Variants in KCNJ6 observed in about 807,000 individuals in gnomAD.
The protein encoded by KCNJ6 is potassium inwardly rectifying channel subfamily J member 6.
Under a neutral mutation model 34.2 loss-of-function variants are expected in KCNJ6, and 9 were observed. That is an observed-to-expected ratio of 0.26 (90% CI 0.16 to 0.46). KCNJ6 has a LOEUF of 0.46. Among genes scored for constraint, KCNJ6 ranks in the 20% least tolerant of loss-of-function variants. KCNJ6 has a pLI of 1.00. For synonymous variants in KCNJ6, 196 were observed against 207.1 expected (o/e 0.95, Z 0.46); for missense variants, 236 against 531.3 (o/e 0.44, Z 5.46).
intron 1 of KCNJ6, among the ~76,000 whole-genome samples, chr21:37,852,006 A>T (rs2055540206): frequency 6.6e-6 from 1 of 152,024 alleles, no homozygotes; most frequent in Non-Finnish European, 1.5e-5. Flanking sequence ...TGAATTCTTT[A>T]GCCAAAGACC....
intron 2 of KCNJ6, among the ~76,000 whole-genome samples, chr21:37,763,113 G>A (rs1364454758): frequency 6.6e-6 from 1 of 152,074 alleles, no homozygotes; most frequent in Non-Finnish European, 1.5e-5. Context: ...TGGCATGTGA[G>A]GAGGAATTTT....
At chr21:37,825,384 T>C (rs1276720613) in intron 2 of KCNJ6, among the ~76,000 whole-genome samples, 1 of 152,138 alleles carries the variant, frequency 6.6e-6, no homozygotes, top group Non-Finnish European at 1.5e-5. Flanking sequence ...TTTAAAAAAA[T>C]TTATCCTGAG....
chr21:37,760,606 A>G (rs540571305), intron 2 of KCNJ6, among the ~76,000 whole-genome samples: 1 of 152,362 alleles, frequency 6.6e-6, no homozygotes, highest in East Asian at 1.9e-4. Flanking sequence ...ACCACCAGCC[A>G]TCCAGCTGTC....
At chr21:37,867,393 C>T (rs1261478870) in intron 1 of KCNJ6, among the ~76,000 whole-genome samples, 5 of 152,094 alleles carry the variant, frequency 3.3e-5, no homozygotes, top group African/African-American at 1.2e-4. Flanking sequence ...AAGCTTGCAG[C>T]AGGGACAATA....
intron 3 of KCNJ6, among the ~76,000 whole-genome samples, chr21:37,685,490 G>A (rs9754178): frequency 0.017 from 1,659 of 98,566 alleles, 34 homozygotes; most frequent in Admixed American, 0.056. Context: ...GAACATCCTG[G>A]CTAACATGGT....
At chr21:37,830,484 CAT>C (rs775959435) in intron 2 of KCNJ6, among the ~76,000 whole-genome samples, 1 of 152,146 alleles carries the variant, frequency 6.6e-6, no homozygotes, top group Non-Finnish European at 1.5e-5. Context: ...ACCTTGTTGT[CAT>C]ACCTAGAGGG....
chr21:37,758,605 C>T (rs2835942), intron 2 of KCNJ6, among the ~76,000 whole-genome samples: 47,770 of 152,026 alleles, frequency 0.31, 7,659 homozygotes, highest in Middle Eastern at 0.39. Flanking sequence ...ACAAATAAGC[C>T]AAGTAAGGGA....
chr21:37,776,330 A>G (rs1207363697), intron 2 of KCNJ6, among the ~76,000 whole-genome samples: 3 of 152,128 alleles, frequency 2.0e-5, no homozygotes, highest in Non-Finnish European at 1.5e-5. Flanking sequence ...CTAATTGAAT[A>G]CCCTTTATTA....
chr21:37,896,076 T>A (rs2055786381), intron 1 of KCNJ6, among the ~76,000 whole-genome samples: 1 of 152,090 alleles, frequency 6.6e-6, no homozygotes. Context: ...TCAGGAAACT[T>A]ACAATCATGT....
intron 1 of KCNJ6, among the ~76,000 whole-genome samples, chr21:37,860,933 C>T (rs1438178604): frequency 5.7e-5 from 4 of 69,918 alleles, no homozygotes; most frequent in African/African-American, 3.6e-4. Flanking sequence ...ATCTCAGCTC[C>T]ACTACTTGAG....
At chr21:37,871,519 G>A (rs1324797747) in intron 1 of KCNJ6, among the ~76,000 whole-genome samples, 1 of 152,262 alleles carries the variant, frequency 6.6e-6, no homozygotes, top group Admixed American at 6.5e-5. Flanking sequence ...ACCCTTGACA[G>A]GAGGACAGAA....
At chr21:37,862,217 T>G (rs979803843) in intron 1 of KCNJ6, among the ~76,000 whole-genome samples, 2 of 152,200 alleles carry the variant, frequency 1.3e-5, no homozygotes, top group Non-Finnish European at 2.9e-5. Flanking sequence ...TATACAACAG[T>G]TGAATCCCCC....
intron 2 of KCNJ6, among the ~76,000 whole-genome samples, chr21:37,755,410 T>G (rs2055019202): frequency 1.3e-5 from 2 of 152,364 alleles, no homozygotes; most frequent in South Asian, 4.1e-4. Flanking sequence ...TTTGTTATCC[T>G]AAGTCCTGCA....
intron 1 of KCNJ6, among the ~76,000 whole-genome samples, chr21:37,908,783 A>G (rs1346866702): frequency 6.6e-6 from 1 of 152,204 alleles, no homozygotes; most frequent in African/African-American, 2.4e-5. Context: ...TATTGTCTCT[A>G]CCAGGAATCT....
chr21:37,884,859 T>C (rs1184675252), intron 1 of KCNJ6, among the ~76,000 whole-genome samples: 1 of 152,154 alleles, frequency 6.6e-6, no homozygotes, highest in African/African-American at 2.4e-5. Context: ...ACTTCTACAG[T>C]CAGAATAAAA....
intron 2 of KCNJ6, among the ~76,000 whole-genome samples, chr21:37,795,402 T>C (rs1446942754): frequency 2.0e-5 from 3 of 152,128 alleles, no homozygotes; most frequent in Non-Finnish European, 4.4e-5. Context: ...CTTCCCTTTT[T>C]AAGAAAGATA....
intron 1 of KCNJ6, among the ~76,000 whole-genome samples, chr21:37,855,987 G>T (rs1053215913): frequency 2.0e-5 from 3 of 152,222 alleles, no homozygotes; most frequent in Non-Finnish European, 4.4e-5. Flanking sequence ...GCAGGGGAGA[G>T]GGGGTGGAAG....
intron 2 of KCNJ6, among the ~76,000 whole-genome samples, chr21:37,835,964 C>A (rs1601494041): frequency 6.6e-6 from 1 of 152,070 alleles, no homozygotes; most frequent in South Asian, 2.1e-4. Flanking sequence ...AAATTGGCAG[C>A]CCACTTTTTG....
chr21:37,860,526 C>T (rs551981890), intron 1 of KCNJ6, among the ~76,000 whole-genome samples: 3 of 152,298 alleles, frequency 2.0e-5, no homozygotes, highest in East Asian at 3.9e-4. Context: ...GCTTAAAACC[C>T]TTTCCAGCAC....
Sources: allele counts gnomAD v4.1 joint callset (sites outside exome capture counted in the v4.1 genomes callset), GRCh38; gene constraint gnomAD v4.1.1; transcripts MANE v1.5; gene names NCBI Gene and HGNC (gene_info 2026-07-23, HGNC 2026-07-21).